Variants in ENTREP2 observed in about 807,000 individuals in gnomAD.
ENTREP2 encodes endosomal transmembrane epsin interactor 2, also known as protein ENTREP2.
chr15:29,296,915 T>C, the ENTREP2 span, among the ~76,000 whole-genome samples: 2 of 152,194 alleles, frequency 1.3e-5, no homozygotes, highest in African/African-American at 4.8e-5. Flanking sequence ...TGCCCTGTTA[T>C]CATATAGCCT....
the ENTREP2 span, chr15:29,376,505 C>T: frequency 3.3e-5 from 5 of 151,946 alleles, no homozygotes; most frequent in Admixed American, 1.3e-4. Context: ...TTATTCATGT[C>T]GCTAGTTTTC....
At chr15:29,149,435 T>C in the ENTREP2 span, among the ~76,000 whole-genome samples, 1 of 152,238 alleles carries the variant, frequency 6.6e-6, no homozygotes, top group East Asian at 1.9e-4. Context: ...CCCAGCTTCC[T>C]GGAGCAGAAA....
At chr15:29,206,364 G>A in the ENTREP2 span, among the ~76,000 whole-genome samples, 1 of 152,152 alleles carries the variant, frequency 6.6e-6, no homozygotes, top group Non-Finnish European at 1.5e-5. Flanking sequence ...ATGGAGGTTA[G>A]AATTTCAACA....
chr15:29,140,657 C>A, the ENTREP2 span, among the ~76,000 whole-genome samples: 1 of 152,202 alleles, frequency 6.6e-6, no homozygotes, highest in Non-Finnish European at 1.5e-5. Flanking sequence ...CAGTCACCTT[C>A]AGGACCAGCG....
At chr15:29,290,200 C>G in the ENTREP2 span, among the ~76,000 whole-genome samples, 3 of 152,180 alleles carry the variant, frequency 2.0e-5, no homozygotes, top group Non-Finnish European at 4.4e-5. Context: ...CCCCTGTTGT[C>G]TAGCCTCACC....
the ENTREP2 span, among the ~76,000 whole-genome samples, chr15:29,581,751 T>A: frequency 2.6e-5 from 4 of 151,998 alleles, no homozygotes; most frequent in African/African-American, 9.7e-5. Context: ...TTTTTAAATG[T>A]ATGCAAAAAG....
chr15:29,327,361 G>A, the ENTREP2 span, among the ~76,000 whole-genome samples: 9 of 152,142 alleles, frequency 5.9e-5, no homozygotes, highest in South Asian at 2.1e-4. Context: ...TTGGGAGGCC[G>A]AGGTGGGAGG....
chr15:29,236,557 G>A, the ENTREP2 span, among the ~76,000 whole-genome samples: 1 of 152,174 alleles, frequency 6.6e-6, no homozygotes, highest in Non-Finnish European at 1.5e-5. Flanking sequence ...GCTGAGGCAG[G>A]AGGATTGCTT....
At chr15:29,230,148 T>C in the ENTREP2 span, among the ~76,000 whole-genome samples, 2 of 152,182 alleles carry the variant, frequency 1.3e-5, no homozygotes, top group Admixed American at 6.5e-5. Flanking sequence ...ATCTGTCCAT[T>C]CCCACTTCTC....
the ENTREP2 span, among the ~76,000 whole-genome samples, chr15:29,131,898 G>C: frequency 1.8e-5 from 1 of 57,116 alleles, no homozygotes; most frequent in Non-Finnish European, 3.8e-5. Context: ...TTGAACACTG[G>C]CTGAAGAGTA....
At chr15:29,253,082 A>C in the ENTREP2 span, among the ~76,000 whole-genome samples, 1 of 152,212 alleles carries the variant, frequency 6.6e-6, no homozygotes, top group African/African-American at 2.4e-5. Flanking sequence ...CATAGCCAAA[A>C]TAGTCATCAT....
chr15:29,460,380 C>T, the ENTREP2 span, among the ~76,000 whole-genome samples: 2 of 152,264 alleles, frequency 1.3e-5, no homozygotes, highest in African/African-American at 4.8e-5. Flanking sequence ...CCTGTAATCC[C>T]GACACTCTGG....
At chr15:29,324,482 T>C in the ENTREP2 span, among the ~76,000 whole-genome samples, 1 of 152,054 alleles carries the variant, frequency 6.6e-6, no homozygotes, top group African/African-American at 2.4e-5. Context: ...TCAGAGTAGA[T>C]AAAATAAAAA....
chr15:29,631,731 C>G, the ENTREP2 span, among the ~76,000 whole-genome samples: 1 of 152,198 alleles, frequency 6.6e-6, no homozygotes, highest in Admixed American at 6.5e-5. Context: ...GGGGTGGGGA[C>G]AGAAGTCCAG....
the ENTREP2 span, among the ~76,000 whole-genome samples, chr15:29,313,984 T>A: frequency 6.6e-6 from 1 of 152,134 alleles, no homozygotes; most frequent in Non-Finnish European, 1.5e-5. Flanking sequence ...AAAATTTCCG[T>A]GGAGGAAGTA....
At chr15:29,643,780 CAAAAA>C in the ENTREP2 span, among the ~76,000 whole-genome samples, 1 of 70,106 alleles carries the variant, frequency 1.4e-5, no homozygotes, top group African/African-American at 4.0e-5. Context: ...GACTCTGTCT[CAAAAA>C]AAAAAAAAAA....
chr15:29,672,280 G>C, the ENTREP2 span, among the ~76,000 whole-genome samples: 1 of 152,030 alleles, frequency 6.6e-6, no homozygotes, highest in Non-Finnish European at 1.5e-5. Flanking sequence ...GAGCCACCGC[G>C]CCCGGTTTAC....
chr15:29,386,050 C>T, the ENTREP2 span, among the ~76,000 whole-genome samples: 1 of 152,106 alleles, frequency 6.6e-6, no homozygotes, highest in South Asian at 2.1e-4. Flanking sequence ...CCACTCCATC[C>T]CCGTTTTGCT....
the ENTREP2 span, among the ~76,000 whole-genome samples, chr15:29,183,286 A>G: frequency 6.6e-6 from 1 of 152,214 alleles, no homozygotes; most frequent in African/African-American, 2.4e-5. Context: ...CAAAACAAAT[A>G]GCCATCAGTC....
Sources: gnomAD v4.1 joint callset for allele counts (sites outside exome capture counted in the v4.1 genomes callset) on GRCh38, gnomAD v4.1.1 for gene constraint, MANE v1.5 for transcripts, NCBI Gene and HGNC (gene_info 2026-07-23, HGNC 2026-07-21) for gene names.